Variants in KHDRBS2 observed in about 807,000 individuals in gnomAD.
KHDRBS2 encodes the protein KH domain-containing, RNA-binding, signal transduction-associated protein 2.
A neutral mutation model predicts 44.3 loss-of-function variants in KHDRBS2; 26 were observed. The observed-to-expected ratio is 0.59, with a 90% confidence interval of 0.43 to 0.81. KHDRBS2 has a LOEUF of 0.81. KHDRBS2 is among the 40% of genes least tolerant of loss of function. The pLI, the probability that KHDRBS2 is intolerant of heterozygous loss-of-function variation, is 0.00. For missense variants in KHDRBS2, 476 were observed against 433.1 expected (o/e 1.10, Z -0.88); for synonymous variants, 194 against 151.1 (o/e 1.28, Z -2.08).
chr6:62,240,688 A>G (rs1414156504), intron 1 of KHDRBS2, among the ~76,000 whole-genome samples: 44 of 122,804 alleles, frequency 3.6e-4, no homozygotes, highest in South Asian at 1.2e-3. Flanking sequence ...ATATATATAT[A>G]TATATATATA....
intron 8 of KHDRBS2, among the ~76,000 whole-genome samples, chr6:61,696,245 AT>A (rs1767890421): frequency 6.7e-6 from 1 of 150,036 alleles, no homozygotes; most frequent in African/African-American, 2.5e-5. Flanking sequence ...TATTTTATTT[AT>A]TTATTTATTT....
intron 2 of KHDRBS2, among the ~76,000 whole-genome samples, chr6:62,064,670 T>A (rs1428683354): frequency 6.6e-6 from 1 of 151,822 alleles, no homozygotes; most frequent in Non-Finnish European, 1.5e-5. Context: ...CCTAAAACCA[T>A]AAAAACCCTA....
intron 7 of KHDRBS2, among the ~76,000 whole-genome samples, chr6:61,710,066 TGTTACTTATTAAGAAAAAG>T (rs1263142884): frequency 1.3e-5 from 2 of 151,666 alleles, no homozygotes; most frequent in Non-Finnish European, 3.0e-5. Flanking sequence ...CAAAATCACT[TGTTACTTATTAAGAAAAAG>T]GTTATTTTCA....
chr6:62,277,302 TATC>T (rs1015897496), intron 1 of KHDRBS2, among the ~76,000 whole-genome samples: 2 of 152,056 alleles, frequency 1.3e-5, no homozygotes, highest in African/African-American at 4.8e-5. Context: ...TAATAGCACA[TATC>T]ATATGCAGTT....
chr6:62,158,074 T>A (rs1816843175), intron 2 of KHDRBS2, among the ~76,000 whole-genome samples: 1 of 152,208 alleles, frequency 6.6e-6, no homozygotes, highest in South Asian at 2.1e-4. Flanking sequence ...TTATTACCTG[T>A]AATGTAATCA....
intron 1 of KHDRBS2, among the ~76,000 whole-genome samples, chr6:62,211,440 TAA>T (rs937914211): frequency 1.3e-5 from 2 of 152,192 alleles, no homozygotes; most frequent in Non-Finnish European, 2.9e-5. Context: ...TTCTGGTTGA[TAA>T]GAGATGAAAT....
the KHDRBS2 span, among the ~76,000 whole-genome samples, chr6:61,616,322 A>C: frequency 6.6e-6 from 1 of 152,254 alleles, no homozygotes; most frequent in African/African-American, 2.4e-5. Flanking sequence ...TTAGTGCAAT[A>C]GTTATTCTTG....
chr6:62,239,983 C>T lies in KHDRBS2; in HGVS notation c.91+45875G>A, dbSNP rs544712068. ...TACAGGCATGAGCCACAGTACCAGGCCTTAAACTTTTTTTTTAAATACAAA... is the reference window on the plus strand; with the variant it reads ...TACAGGCATGAGCCACAGTACCAGGTCTTAAACTTTTTTTTTAAATACAAA... On this transcript the variant is annotated intron_variant, in intron 1 of 8. Coordinates refer to ENST00000281156, the MANE Select transcript of KHDRBS2 (RefSeq NM_152688.4). 5.3e-5 allele frequency among the ~76,000 whole-genome samples: 8 copies of T among 152,030 alleles called. No individual in the cohort carries two copies. The East Asian group carries it at 1.4e-3, about 26-fold the overall frequency.
At chr6:62,209,075 T>C (rs1197623206) in intron 1 of KHDRBS2, among the ~76,000 whole-genome samples, 1 of 152,076 alleles carries the variant, frequency 6.6e-6, no homozygotes, top group Non-Finnish European at 1.5e-5. Context: ...AACTTACAGA[T>C]GGGGAAACAT....
At chr6:61,820,079 G>A (rs1789643558) in intron 6 of KHDRBS2, among the ~76,000 whole-genome samples, 1 of 152,052 alleles carries the variant, frequency 6.6e-6, no homozygotes, top group Admixed American at 6.6e-5. Flanking sequence ...TCTGTTTCAA[G>A]AACCTTGCTC....
At chr6:62,250,900 G>T (rs1186564392) in intron 1 of KHDRBS2, among the ~76,000 whole-genome samples, 1 of 151,842 alleles carries the variant, frequency 6.6e-6, no homozygotes, top group Non-Finnish European at 1.5e-5. Flanking sequence ...TTAGATAAAG[G>T]AGGCTAAAGA....
chr6:62,121,002 C>A (rs1026204312), intron 2 of KHDRBS2, among the ~76,000 whole-genome samples: 2 of 152,072 alleles, frequency 1.3e-5, no homozygotes, highest in African/African-American at 4.8e-5. Context: ...TTCCAGGGGA[C>A]CAAAATGTCA....
the KHDRBS2 span, among the ~76,000 whole-genome samples, chr6:61,601,489 G>T: frequency 6.6e-6 from 1 of 151,998 alleles, no homozygotes; most frequent in Non-Finnish European, 1.5e-5. Flanking sequence ...CCAGATAATG[G>T]CACTTTCAAT....
chr6:62,080,573 T>C (rs1797196479), intron 2 of KHDRBS2, among the ~76,000 whole-genome samples: 1 of 152,168 alleles, frequency 6.6e-6, no homozygotes. Flanking sequence ...TGAGCAGTGA[T>C]GTGAATGTGG....
intron 6 of KHDRBS2, among the ~76,000 whole-genome samples, chr6:61,890,481 TTC>T (rs1354769013): frequency 6.6e-6 from 1 of 152,212 alleles, no homozygotes; most frequent in African/African-American, 2.4e-5. Context: ...TTTGCCAGTC[TTC>T]TCTTTCACAG....
chr6:61,775,658 G>T (rs1010226356), intron 6 of KHDRBS2, among the ~76,000 whole-genome samples: 3 of 152,166 alleles, frequency 2.0e-5, no homozygotes, highest in African/African-American at 7.2e-5. Flanking sequence ...CAAACAAATG[G>T]AAGAACATTC....
At chr6:61,585,701 C>T in the KHDRBS2 span, among the ~76,000 whole-genome samples, 1 of 152,048 alleles carries the variant, frequency 6.6e-6, no homozygotes. Flanking sequence ...TTTTTGCCCA[C>T]TCAGCATCTA....
the KHDRBS2 span, among the ~76,000 whole-genome samples, chr6:61,592,188 C>CA: frequency 0.093 from 10,858 of 116,276 alleles, 426 homozygotes; most frequent in East Asian, 0.14. Flanking sequence ...AAGATCCCAC[C>CA]AAAAAAAAAA....
chr6:61,601,227 C>T, the KHDRBS2 span, among the ~76,000 whole-genome samples: 5 of 152,030 alleles, frequency 3.3e-5, no homozygotes, highest in Admixed American at 1.3e-4. Context: ...CATCCCCCAA[C>T]CCTTTTCCAC....
Sources: allele counts gnomAD v4.1 joint callset (sites outside exome capture counted in the v4.1 genomes callset), GRCh38; gene constraint gnomAD v4.1.1; transcripts MANE v1.5; gene names NCBI Gene and HGNC (gene_info 2026-07-23, HGNC 2026-07-21).